Variants in CDC42BPA observed in about 807,000 individuals in gnomAD.
CDC42BPA encodes CDC42 binding protein kinase alpha, also known as serine/threonine-protein kinase MRCK alpha.
Under a neutral mutation model 223.5 loss-of-function variants are expected in CDC42BPA, and 80 were observed. That is an observed-to-expected ratio of 0.36 (90% CI 0.30 to 0.43). The LOEUF (loss-of-function observed/expected upper bound fraction) is 0.43. CDC42BPA is among the 20% of genes least tolerant of loss of function. The pLI is 1.00. For synonymous variants in CDC42BPA, 694 were observed against 718.6 expected (o/e 0.97, Z 0.55); for missense variants, 1,743 against 2,099.9 (o/e 0.83, Z 3.32).
Position 227,304,118 on chromosome 1 carries a change from A to C in CDC42BPA, c.178+12887T>G, listed in dbSNP as rs184830338. Among the ~76,000 whole-genome samples, 16 of 152,336 alleles carry C rather than the reference A, an allele frequency of 1.1e-4. No individual in the cohort carries two copies. In the East Asian group the frequency reaches 2.9e-3, roughly 28 times the overall value. Reference sequence around the variant, plus strand: ...CTACTCATATAAGAAATCACTTTTGACCACATGTGGTGGCGCCTGTAATCA... The same window carrying C: ...CTACTCATATAAGAAATCACTTTTGCCCACATGTGGTGGCGCCTGTAATCA... On this transcript the variant is annotated intron_variant, in intron 1 of 36. Transcript: ENST00000366766.
At chr1:227,059,899 A>C (rs1169167065) in intron 21 of CDC42BPA, among the ~76,000 whole-genome samples, 1 of 151,726 alleles carries the variant, frequency 6.6e-6, no homozygotes, top group South Asian at 2.1e-4. Context: ...ATTAAAATTA[A>C]AAGTTATTTG....
At chr1:227,090,084 C>T (rs1315071067) in intron 16 of CDC42BPA, among the ~76,000 whole-genome samples, 25 of 152,124 alleles carry the variant, frequency 1.6e-4, no homozygotes, top group Admixed American at 1.6e-3. Context: ...TGTTAAAGTT[C>T]ATGCACTATT....
At chr1:227,183,628 T>A (rs150442067) in intron 5 of CDC42BPA, among the ~76,000 whole-genome samples, 1 of 152,228 alleles carries the variant, frequency 6.6e-6, no homozygotes, top group South Asian at 2.1e-4. Flanking sequence ...TCCGGTATTC[T>A]GCTATTACAA....
At position 227,267,819 on chromosome 1, in the gene CDC42BPA, C is replaced by A. The variant is rs983835285; in HGVS notation, c.179-13664G>T. On this transcript the variant is annotated intron_variant, in intron 1 of 36. Coordinates refer to ENST00000366766, the MANE Select transcript of CDC42BPA (RefSeq NM_001394014.1). Reference sequence around the variant, plus strand: ...CAAAACAGCATGGGGGAAATTGGCCCCATGATCCAATCACCTCCCACCAGG... The same window carrying A: ...CAAAACAGCATGGGGGAAATTGGCCACATGATCCAATCACCTCCCACCAGG... Among the ~76,000 whole-genome samples, 32 of 152,186 alleles carry A rather than the reference C, an allele frequency of 2.1e-4. 1 individual carries two copies. Among genetic ancestry groups the A allele is most frequent in the African/African-American group, 7.5e-4 (31 of 41,498 alleles).
chr1:227,284,612 A>C (rs923743629), intron 1 of CDC42BPA, among the ~76,000 whole-genome samples: 3 of 152,150 alleles, frequency 2.0e-5, no homozygotes, highest in Non-Finnish European at 4.4e-5. Context: ...ACTTCAGAGC[A>C]ACATTTGATT....
At position 227,031,500 on chromosome 1, in the gene CDC42BPA, C is replaced by G. The variant is rs1290163349; in HGVS notation, c.3573G>C (p.Gln1191His). Residue 1191 changes from glutamine to histidine, a missense_variant, in exon 28 of 37, where the codon CAG becomes CAC. By Grantham distance (24) the Gln-to-His change is conservative (BLOSUM62 0). Coordinates refer to ENST00000366766, the MANE Select transcript of CDC42BPA (RefSeq NM_001394014.1). ...AACATTTGTTATTAGATGCTGAGAG[C>G]TGGGAAGCTGTGACCTAGAACAATT... ...IPCIFRVTAS[Q>H]LSASNNKCSI... The G allele has an allele frequency of 1.9e-6, 3 of 1,613,794 alleles. No homozygotes were observed. The highest frequency in any genetic ancestry group is 2.5e-6 in the Non-Finnish European group (3 of 1,179,784).
chr1:227,233,337 T>A (rs1031124726), intron 2 of CDC42BPA, among the ~76,000 whole-genome samples: 48 of 152,166 alleles, frequency 3.2e-4, no homozygotes, highest in African/African-American at 1.1e-3. Context: ...ACGCCCGGCC[T>A]CTATTTCTTT....
Position 227,220,282 on chromosome 1 carries a change from TTATATA to T in CDC42BPA, c.271-7069_271-7064del, listed in dbSNP as rs368690606. Among the ~76,000 whole-genome samples the T allele has an allele frequency of 9.2e-4, 93 of 100,878 alleles. No individual in the cohort carries two copies. The Middle Eastern group carries it at 0.022, about 24-fold the overall frequency. 66.2% of individuals were successfully genotyped at this position (100,878 alleles called of 152,430 possible). ...GTCTCTTTAATGAAAAAAAGTCATG[TTATATA>T]TATATATATATATATATATATATAC... On this transcript the variant is annotated intron_variant, in intron 2 of 36. Coordinates refer to ENST00000366766, the MANE Select transcript of CDC42BPA (RefSeq NM_001394014.1).
Position 227,193,859 on chromosome 1 carries a change from C to T in CDC42BPA, c.526G>A (p.Asp176Asn). The T allele has an allele frequency of 6.2e-7, 1 of 1,613,396 alleles. No individual in the cohort carries two copies. The highest frequency in any genetic ancestry group is 8.5e-7 in the Non-Finnish European group (1 of 1,179,620). Reference sequence around the variant, plus strand: ...TCAGCCAAGTAAAATCTAGCCATATCTTCAGGCAATCTATCTTCAAATTTG... The same window carrying T: ...TCAGCCAAGTAAAATCTAGCCATATTTTCAGGCAATCTATCTTCAAATTTG... ...LSKFEDRLPE[D>N]MARFYLAEMV... The change falls in exon 5 of 37, where the codon GAT becomes AAT. Residue 176 changes from aspartate to asparagine, a missense_variant. Physicochemically the swap from Asp to Asn is conservative, Grantham distance 23. This residue lies in a region of CDC42BPA where 321 missense variants were observed against 488.7 expected (regional missense o/e 0.66). Transcript: ENST00000366766.
chr1:227,176,913 A>T (rs1667048456), intron 5 of CDC42BPA, among the ~76,000 whole-genome samples: 1 of 151,744 alleles, frequency 6.6e-6, no homozygotes, highest in Admixed American at 6.6e-5. Flanking sequence ...CATCACTGGG[A>T]AGTCTAATGA....
chr1:227,160,995 C>T (rs1663783069), intron 5 of CDC42BPA, among the ~76,000 whole-genome samples: 1 of 152,172 alleles, frequency 6.6e-6, no homozygotes, highest in Non-Finnish European at 1.5e-5. Flanking sequence ...ATACTATCCT[C>T]TAGCCCATGA....
At chr1:227,220,387 G>C (rs997221953) in intron 2 of CDC42BPA, among the ~76,000 whole-genome samples, 1 of 143,540 alleles carries the variant, frequency 7.0e-6, no homozygotes, top group Non-Finnish European at 1.5e-5. Flanking sequence ...ATTATGTAAG[G>C]AATAATATAT....
chr1:227,029,941 C>A (rs533495445), intron 29 of CDC42BPA, among the ~76,000 whole-genome samples: 1 of 151,660 alleles, frequency 6.6e-6, no homozygotes, highest in East Asian at 1.9e-4. Flanking sequence ...TCGAGACCAA[C>A]CTGGCCAACA....
chr1:227,148,771 G>GAAAAAAAAAAAAAAAAAA (rs1491285386), intron 6 of CDC42BPA, among the ~76,000 whole-genome samples: 3 of 7,712 alleles, frequency 3.9e-4, no homozygotes, highest in African/African-American at 8.7e-4. Flanking sequence ...GGTCTCAAAA[G>GAAAAAAAAAAAAAAAAAA]CAAAAAAAAA....
intron 22 of CDC42BPA, among the ~76,000 whole-genome samples, chr1:227,048,423 C>G (rs1672888915): frequency 6.6e-6 from 1 of 151,910 alleles, no homozygotes; most frequent in Admixed American, 6.6e-5. Flanking sequence ...AACTACTCAA[C>G]TTTCATACAT....
chr1:227,307,360 T>C (rs1026477532), intron 1 of CDC42BPA, among the ~76,000 whole-genome samples: 4 of 152,206 alleles, frequency 2.6e-5, no homozygotes, highest in African/African-American at 4.8e-5. Flanking sequence ...ATTTATGTGT[T>C]AGAAGACTTT....
At chr1:227,220,887 G>A (rs1675783623) in intron 2 of CDC42BPA, among the ~76,000 whole-genome samples, 2 of 151,866 alleles carry the variant, frequency 1.3e-5, no homozygotes, top group Admixed American at 6.6e-5. Flanking sequence ...GAACAAAAAC[G>A]TCACCCCCAT....
chr1:227,173,316 G>T (rs1666412033), intron 5 of CDC42BPA, among the ~76,000 whole-genome samples: 1 of 152,118 alleles, frequency 6.6e-6, no homozygotes, highest in Non-Finnish European at 1.5e-5. Flanking sequence ...GTATAGTGAA[G>T]GCCTAATCTT....
intron 1 of CDC42BPA, among the ~76,000 whole-genome samples, chr1:227,285,643 T>C (rs1688687165): frequency 6.6e-6 from 1 of 152,204 alleles, no homozygotes; most frequent in African/African-American, 2.4e-5. Context: ...CTGTGAGTCC[T>C]AGATGGTCCT....
Sources: gnomAD v4.1 joint callset for allele counts (sites outside exome capture counted in the v4.1 genomes callset) on GRCh38, gnomAD v4.1.1 for gene constraint, gnomAD v4.1.1 regional missense constraint, MANE v1.5 for transcripts, NCBI Gene and HGNC (gene_info 2026-07-23, HGNC 2026-07-21) for gene names.